The following PROCR variants were observed in gnomAD, a reference collection of about 807,000 sequenced individuals.
PROCR encodes endothelial protein C receptor.
A neutral mutation model predicts 24.2 loss-of-function variants in PROCR; 22 were observed. The observed-to-expected ratio is 0.91, with a 90% CI of 0.65 to 1.30. The LOEUF (loss-of-function observed/expected upper bound fraction) is 1.30. Among genes scored for constraint, PROCR ranks in the 50% most tolerant of loss-of-function variants. The probability of loss-of-function intolerance (pLI) is 0.00; values close to 1 mark genes in which losing one functional copy is unlikely to be tolerated. For missense variants in PROCR, 288 were observed against 307.7 expected (o/e 0.94, Z 0.48); for synonymous variants, 137 against 139.2 (o/e 0.98, Z 0.11).
intron 1 of PROCR, among the ~76,000 whole-genome samples, chr20:35,173,657 T>G (rs1228079046): frequency 6.6e-6 from 1 of 152,024 alleles, no homozygotes; most frequent in Non-Finnish European, 1.5e-5. Flanking sequence ...CTTGAATCCC[T>G]GACCTCAAGT....
At chr20:35,182,973 CAAAA>C (rs71333786) in intron 1 of PROCR, among the ~76,000 whole-genome samples, 17 of 110,760 alleles carry the variant, frequency 1.5e-4, no homozygotes, top group Non-Finnish European at 2.3e-4. Flanking sequence ...GACTCCGTCT[CAAAA>C]AAAAAAAAAA....
chr20:35,188,792 A>T (rs1164624608), intron 1 of PROCR, among the ~76,000 whole-genome samples: 2 of 152,234 alleles, frequency 1.3e-5, no homozygotes, highest in Non-Finnish European at 2.9e-5. Context: ...TTACTCCTCT[A>T]GGACAAAATA....
chr20:35,210,057 T>G (rs2060355972), intron 1 of PROCR, among the ~76,000 whole-genome samples: 1 of 152,022 alleles, frequency 6.6e-6, no homozygotes, highest in Non-Finnish European at 1.5e-5. Context: ...AGAAACTCCA[T>G]CTCTACAAAA....
chr20:35,215,699 C>T (rs2060379889), intron 1 of PROCR, among the ~76,000 whole-genome samples: 1 of 152,134 alleles, frequency 6.6e-6, no homozygotes, highest in South Asian at 2.1e-4. Flanking sequence ...GGGTAGGTCA[C>T]TTCTCTCACC....
Position 35,176,768 on chromosome 20 carries a change from TGTG to T in PROCR, c.674_676del (p.Val225del). The T allele has an allele frequency of 6.2e-7, 1 of 1,614,008 alleles. No individual in the cohort carries two copies. Among genetic ancestry groups the T allele is most frequent in the Non-Finnish European group, 8.5e-7 (1 of 1,179,992 alleles). On this transcript the variant is annotated inframe_deletion, in exon 4 of 4. Transcript: ENST00000216968. ...TGGTGGGCAGTTTCATCATTGCTGG[TGTG>T]GCTGTAGGCATCTTCCTGTGCACAG...
intron 1 of PROCR, among the ~76,000 whole-genome samples, chr20:35,214,541 T>G (rs908404095): frequency 6.6e-6 from 1 of 151,374 alleles, no homozygotes; most frequent in African/African-American, 2.4e-5. Context: ...ACAAAAAAAT[T>G]AGCTAGGCGT....
rs372912487 is a variant in PROCR at position 35,172,122 on chromosome 20, C to T, written c.-33C>T. ...CAGCGGAGCCCGCAGCCGGCCCGAG[C>T]CAGGAACCCAGGTCCGGAGCCTCAA... On this transcript the variant is annotated 5_prime_UTR_variant, in exon 1 of 4. Coordinates refer to ENST00000216968, the MANE Select transcript of PROCR (RefSeq NM_006404.5). 370 of 1,611,888 alleles carry T rather than the reference C, an allele frequency of 2.3e-4. No homozygotes were observed. Among genetic ancestry groups the T allele is most frequent in the Non-Finnish European group, 2.4e-4 (288 of 1,178,020 alleles).
At chr20:35,204,596 G>C (rs899429842) in intron 1 of PROCR, among the ~76,000 whole-genome samples, 2 of 151,732 alleles carry the variant, frequency 1.3e-5, no homozygotes, top group Non-Finnish European at 2.9e-5. Context: ...GGCTGGTCTC[G>C]AACTCCTGGC....
At chr20:35,185,344 A>G (rs531123634) in intron 1 of PROCR, among the ~76,000 whole-genome samples, 1 of 152,332 alleles carries the variant, frequency 6.6e-6, no homozygotes, top group South Asian at 2.1e-4. Context: ...TTAAAAAACT[A>G]AAAGTAGAGC....
At chr20:35,186,868 G>C (rs1236867655) in intron 1 of PROCR, among the ~76,000 whole-genome samples, 1 of 151,216 alleles carries the variant, frequency 6.6e-6, no homozygotes, top group Non-Finnish European at 1.5e-5. Flanking sequence ...CAGGAGAATG[G>C]CGTGAACCTG....
intron 1 of PROCR, among the ~76,000 whole-genome samples, chr20:35,199,832 C>G (rs541914240): frequency 6.6e-6 from 1 of 151,734 alleles, no homozygotes; most frequent in East Asian, 1.9e-4. Flanking sequence ...AAACAAAAAG[C>G]CTTCTGGAAA....
At chr20:35,189,173 T>C (rs1320730725) in intron 1 of PROCR, among the ~76,000 whole-genome samples, 1 of 152,094 alleles carries the variant, frequency 6.6e-6, no homozygotes, top group Non-Finnish European at 1.5e-5. Context: ...CATATTTCTC[T>C]TATTACCAAA....
intron 1 of PROCR, among the ~76,000 whole-genome samples, chr20:35,214,895 C>T (rs1427984655): frequency 7.2e-6 from 1 of 139,626 alleles, no homozygotes; most frequent in Non-Finnish European, 1.5e-5. Flanking sequence ...CTTTACCTCC[C>T]ATTTTCTTTT....
chr20:35,206,497 A>C (rs1006797784), intron 1 of PROCR, among the ~76,000 whole-genome samples: 2 of 140,260 alleles, frequency 1.4e-5, no homozygotes, highest in South Asian at 2.3e-4. Context: ...AAAAAAAAAA[A>C]CTCTCAAAAC....
rs768167887 is a variant in PROCR at position 35,176,149 on chromosome 20, CCTGA to C, written c.323-15_323-12del. ...CACCCTCTCTGCACAGTCCCCTGAC[CCTGA>C]CTGTCTATCCACAGTTCCTCTGACC... On this transcript the variant is annotated splice_polypyrimidine_tract_variant and intron_variant, in intron 2 of 3. Coordinates refer to ENST00000216968, the MANE Select transcript of PROCR (RefSeq NM_006404.5). The C allele has an allele frequency of 1.6e-5, 26 of 1,611,406 alleles. No individual in the cohort carries two copies. Among genetic ancestry groups the C allele is most frequent in the African/African-American group, 2.7e-5 (2 of 74,858 alleles).
rs548692621 is a variant in PROCR, at chr20:35,176,156, G to GTCTATCCACAGTTCCTCTGACCA, written c.323-9_336dup. ...TCTGCACAGTCCCCTGACCCTGACT[G>GTCTATCCACAGTTCCTCTGACCA]TCTATCCACAGTTCCTCTGACCATC... is the stretch of plus-strand genomic sequence containing the variant. On this transcript the variant is annotated splice_polypyrimidine_tract_variant and intron_variant, in intron 2 of 3. Coordinates refer to ENST00000216968, the MANE Select transcript of PROCR (RefSeq NM_006404.5). 2,793 of 1,613,226 alleles carry GTCTATCCACAGTTCCTCTGACCA rather than the reference G, an allele frequency of 1.7e-3. 26 individuals carry two copies. The highest frequency in any genetic ancestry group is 0.014 in the South Asian group (1,289 of 91,044).
chr20:35,201,140 T>C (rs1312000667), intron 1 of PROCR, among the ~76,000 whole-genome samples: 1 of 151,540 alleles, frequency 6.6e-6, no homozygotes, highest in Non-Finnish European at 1.5e-5. Context: ...AAATTAGGTA[T>C]GTGTATTATT....
downstream of PROCR, among the ~76,000 whole-genome samples, chr20:35,177,992 T>C (rs1294462704): frequency 6.6e-6 from 1 of 152,190 alleles, no homozygotes. Context: ...CATTTTTTGG[T>C]TCCTTTTGTT....
chr20:35,214,688 C>CAAA (rs112791426), intron 1 of PROCR, among the ~76,000 whole-genome samples: 1 of 80,194 alleles, frequency 1.2e-5, no homozygotes, highest in African/African-American at 4.1e-5. Flanking sequence ...AACTCCATCT[C>CAAA]AAAAAAAAAA....
Sources: gnomAD v4.1 joint callset for allele counts (sites outside exome capture counted in the v4.1 genomes callset) on GRCh38, gnomAD v4.1.1 for gene constraint, MANE v1.5 for transcripts, NCBI Gene and HGNC (gene_info 2026-07-23, HGNC 2026-07-21) for gene names.